The following ODAD2 variants were observed in gnomAD, a reference collection of about 807,000 sequenced individuals.
The protein encoded by ODAD2 is outer dynein arm docking complex subunit 2.
ODAD2 carries 89 observed loss-of-function variants against 106.8 expected under a neutral mutation model. That is an observed-to-expected ratio of 0.83 (90% CI 0.70 to 0.99). ODAD2 has a LOEUF of 0.99. Among genes scored for constraint, ODAD2 ranks in the 50% least tolerant of loss-of-function variants. The pLI is 0.00. For synonymous variants in ODAD2, 404 were observed against 436.2 expected (o/e 0.93, Z 0.92); for missense variants, 1,168 against 1,238.5 (o/e 0.94, Z 0.85).
intron 19 of ODAD2, among the ~76,000 whole-genome samples, chr10:27,815,297 T>G (rs1014025538): frequency 3.3e-5 from 5 of 152,184 alleles, no homozygotes; most frequent in African/African-American, 1.2e-4. Flanking sequence ...ATGATTCCAT[T>G]ATCATTTAAA....
intron 9 of ODAD2, among the ~76,000 whole-genome samples, chr10:27,966,222 C>T (rs1848479362): frequency 6.6e-6 from 1 of 152,186 alleles, no homozygotes; most frequent in Admixed American, 6.5e-5. Context: ...TGAATTCAAG[C>T]ATCTGTTCCC....
At chr10:27,906,831 G>A (rs1476412637) in intron 17 of ODAD2, among the ~76,000 whole-genome samples, 2 of 152,126 alleles carry the variant, frequency 1.3e-5, no homozygotes, top group African/African-American at 4.8e-5. Flanking sequence ...CATGGACACA[G>A]GGAGGGGAAC....
chr10:27,813,750 G>C (rs1835917955), intron 19 of ODAD2, among the ~76,000 whole-genome samples: 1 of 152,134 alleles, frequency 6.6e-6, no homozygotes, highest in Admixed American at 6.5e-5. Flanking sequence ...ACTTTACTCA[G>C]GGGAATGACA....
intron 12 of ODAD2, among the ~76,000 whole-genome samples, chr10:27,941,829 A>C (rs764269594): frequency 2.6e-5 from 4 of 152,066 alleles, no homozygotes; most frequent in South Asian, 2.1e-4. Context: ...CTGAAGGTCA[A>C]CTTCCACAGA....
chr10:27,813,094 G>A (rs1406011517), intron 19 of ODAD2, among the ~76,000 whole-genome samples: 1 of 152,174 alleles, frequency 6.6e-6, no homozygotes, highest in Non-Finnish European at 1.5e-5. Context: ...CTATTAACTA[G>A]TCCTTGAAGG....
At chr10:27,856,947 A>G (rs551716619) in intron 19 of ODAD2, among the ~76,000 whole-genome samples, 5 of 152,184 alleles carry the variant, frequency 3.3e-5, no homozygotes, top group Non-Finnish European at 5.9e-5. Flanking sequence ...AGCCTGGACG[A>G]CAAGACCGAA....
chr10:27,926,264 T>C (rs1385161528), intron 16 of ODAD2, among the ~76,000 whole-genome samples: 1 of 152,046 alleles, frequency 6.6e-6, no homozygotes, highest in Non-Finnish European at 1.5e-5. Flanking sequence ...TCAAACATTG[T>C]CCTAGAGAAT....
At chr10:27,944,035 T>C (rs1436869309) in intron 12 of ODAD2, among the ~76,000 whole-genome samples, 187 bp downstream of exon 12, 4 of 152,088 alleles carry the variant, frequency 2.6e-5, no homozygotes, top group African/African-American at 9.7e-5. Flanking sequence ...TGAAGATGTT[T>C]TTGTTTTGGA....
chr10:27,875,355 C>T (rs1841252228), intron 17 of ODAD2, among the ~76,000 whole-genome samples: 2 of 152,196 alleles, frequency 1.3e-5, no homozygotes, highest in Non-Finnish European at 2.9e-5. Context: ...TCTCTCAACT[C>T]ATCAAAGTCA....
chr10:27,952,074 C>CAAAAAAAAAAAAAAAAAAAAAAAAAAAAA (rs71388944), intron 10 of ODAD2, among the ~76,000 whole-genome samples: 5 of 44,028 alleles, frequency 1.1e-4, no homozygotes, highest in Non-Finnish European at 1.3e-4. Flanking sequence ...GATGCCAACT[C>CAAAAAAAAAAAAAAAAAAAAAAAAAAAAA]AAAAAAAAAA....
At chr10:27,886,411 T>C (rs569180959) in intron 17 of ODAD2, among the ~76,000 whole-genome samples, 2 of 152,028 alleles carry the variant, frequency 1.3e-5, no homozygotes, top group East Asian at 3.8e-4. Flanking sequence ...ACATTCGATA[T>C]TGATCAAAAC....
intron 16 of ODAD2, among the ~76,000 whole-genome samples, chr10:27,933,508 C>T (rs1372455659): frequency 3.9e-5 from 6 of 151,984 alleles, no homozygotes; most frequent in African/African-American, 7.3e-5. Flanking sequence ...AAAAGGGAGG[C>T]GGAGACTAGA....
intron 9 of ODAD2, among the ~76,000 whole-genome samples, chr10:27,965,074 CT>C (rs2132899122): frequency 6.6e-6 from 1 of 152,234 alleles, no homozygotes; most frequent in South Asian, 2.1e-4. Flanking sequence ...AGATTTGGTA[CT>C]GGTTTTCCTC....
intron 8 of ODAD2, among the ~76,000 whole-genome samples, chr10:27,969,553 C>T (rs1273299116): frequency 6.6e-6 from 1 of 152,282 alleles, no homozygotes; most frequent in Non-Finnish European, 1.5e-5. Context: ...CACATTGACT[C>T]TTTCAAACAG....
chr10:27,860,726 A>T lies in ODAD2; in HGVS notation c.2920T>A (p.Ser974Thr). Residue 974 changes from serine (S) to threonine (T), a missense_variant, in exon 19 of 20, where the codon TCA (serine) becomes ACA (threonine). Coordinates refer to ENST00000305242, the MANE Select transcript of ODAD2 (RefSeq NM_018076.5). ...AVAPLVRYLK[S>T]NDTNVHRATA... The stretch of plus-strand genomic sequence containing the variant: ...GCCCGATGCACGTTGGTGTCATTTG[A>T]TTTCAGATAACGCACTAGTGGAGCC... The T allele has an allele frequency of 6.2e-7, 1 of 1,614,158 alleles. No individual in the cohort carries two copies. The highest frequency in any genetic ancestry group is 8.5e-7 in the Non-Finnish European group (1 of 1,180,008).
intron 11 of ODAD2, 81 bp downstream of exon 11, chr10:27,944,735 C>T (rs1846750641): frequency 1.9e-6 from 3 of 1,547,010 alleles, no homozygotes; most frequent in South Asian, 2.3e-5. Context: ...GGCAACGAGG[C>T]ATGGCAGAAA....
intron 17 of ODAD2, among the ~76,000 whole-genome samples, chr10:27,863,484 G>C (rs1342195503): frequency 6.6e-6 from 1 of 152,194 alleles, no homozygotes; most frequent in East Asian, 1.9e-4. Context: ...TGACCATATT[G>C]AGTAGGGGGT....
chr10:27,861,367 A>G (rs1002675516), intron 18 of ODAD2, among the ~76,000 whole-genome samples: 4 of 152,222 alleles, frequency 2.6e-5, no homozygotes, highest in African/African-American at 9.6e-5. Context: ...AACTGAATGT[A>G]GTCAGTGCAC....
chr10:27,857,058 T>G (rs1437705611), intron 19 of ODAD2, among the ~76,000 whole-genome samples: 1 of 152,208 alleles, frequency 6.6e-6, no homozygotes, highest in Non-Finnish European at 1.5e-5. Context: ...ATATACACCA[T>G]GTACCCTTGA....
Sources: gnomAD v4.1 joint callset for allele counts (sites outside exome capture counted in the v4.1 genomes callset) on GRCh38, gnomAD v4.1.1 for gene constraint, MANE v1.5 for transcripts, NCBI Gene and HGNC (gene_info 2026-07-23, HGNC 2026-07-21) for gene names.